Variants in C1QTNF7 observed in about 807,000 individuals in gnomAD.
The protein encoded by C1QTNF7 is complement C1q tumor necrosis factor-related protein 7.
In C1QTNF7, 15 loss-of-function variants were observed where a neutral mutation model predicts 19.6. The ratio of observed to expected loss-of-function variants is 0.76; its 90% CI spans 0.51 to 1.18. The LOEUF is 1.18. C1QTNF7 is among the 50% of genes most tolerant of loss of function. C1QTNF7 has a pLI of 0.00. For missense variants in C1QTNF7, 324 were observed against 359.7 expected (o/e 0.90, Z 0.80); for synonymous variants, 142 against 137.5 (o/e 1.03, Z -0.23).
intron 1 of C1QTNF7, among the ~76,000 whole-genome samples, chr4:15,396,455 G>T (rs1718784760): frequency 1.3e-5 from 2 of 152,156 alleles, no homozygotes; most frequent in Admixed American, 1.3e-4. Context: ...AGCGCTTCCA[G>T]TGTTAATCAT....
intron 1 of C1QTNF7, among the ~76,000 whole-genome samples, chr4:15,406,561 T>C (rs146330143): frequency 6.6e-6 from 1 of 152,240 alleles, no homozygotes; most frequent in East Asian, 1.9e-4. Context: ...GCTGCCAGCG[T>C]CAAACTTCCT....
intron 1 of C1QTNF7, among the ~76,000 whole-genome samples, chr4:15,359,618 C>T (rs532426582): frequency 2.6e-5 from 4 of 152,258 alleles, no homozygotes; most frequent in Admixed American, 1.3e-4. Flanking sequence ...TGGAGGTTTT[C>T]TCCCAAAAAC....
At chr4:15,383,998 G>A (rs915564358) in intron 1 of C1QTNF7, among the ~76,000 whole-genome samples, 2 of 152,236 alleles carry the variant, frequency 1.3e-5, no homozygotes, top group Non-Finnish European at 2.9e-5. Flanking sequence ...AGAGGAAAGA[G>A]ATGGATCAAA....
Position 15,411,602 on chromosome 4 carries a change from G to C in C1QTNF7, c.14-24134G>C, listed in dbSNP as rs544754784. Among the ~76,000 whole-genome samples, 4 of 152,318 alleles carry C rather than the reference G, an allele frequency of 2.6e-5. No homozygotes were observed. The South Asian group carries it at 8.3e-4, about 32-fold the overall frequency. ...AGGTGGAGCTGGGCTTCAAACCCAG[G>C]TATGCTGGCTTCAGAAATCACTGTC... On this transcript the variant is annotated intron_variant, in intron 1 of 2. Coordinates refer to the C1QTNF7 transcript ENST00000295297.
In C1QTNF7 at chr4:15,443,943, G is replaced by A. The variant is rs1712891193; in HGVS notation, c.*1144G>A. 6.6e-6 allele frequency: 1 copy of A among 152,206 alleles called. No individual in the cohort carries two copies. The highest frequency in any genetic ancestry group is 1.5e-5 in the Non-Finnish European group (1 of 68,040). The allele number at this position is 152,206 out of a possible 1,614,324, so 9.4% of individuals were successfully genotyped here. On this transcript the variant is annotated 3_prime_UTR_variant, in exon 3 of 3. Transcript: ENST00000444304. ...TGATGAGAGCAATGAACAGGAGAAGGAGGGAGAGAGCCAAATGTCTGAGTA... is the reference window on the plus strand; with the variant it reads ...TGATGAGAGCAATGAACAGGAGAAGAAGGGAGAGAGCCAAATGTCTGAGTA...
chr4:15,343,201 C>T (rs1452847597), intron 1 of C1QTNF7, among the ~76,000 whole-genome samples: 13 of 152,216 alleles, frequency 8.5e-5, no homozygotes, highest in Admixed American at 2.0e-4. Flanking sequence ...GTTTTCCAAA[C>T]TCATTTGACC....
intron 1 of C1QTNF7, among the ~76,000 whole-genome samples, chr4:15,412,457 G>A (rs1389062940): frequency 6.6e-6 from 1 of 151,878 alleles, no homozygotes; most frequent in Non-Finnish European, 1.5e-5. Flanking sequence ...AAAACCATCA[G>A]TGTAGCATCT....
chr4:15,418,384 T>C (rs966594706), intron 1 of C1QTNF7, among the ~76,000 whole-genome samples: 1 of 152,218 alleles, frequency 6.6e-6, no homozygotes, highest in East Asian at 1.9e-4. Flanking sequence ...ACTATTTTTC[T>C]GACCTCCTTT....
intron 1 of C1QTNF7, among the ~76,000 whole-genome samples, chr4:15,375,564 G>T (rs1717909366): frequency 6.6e-6 from 1 of 152,162 alleles, no homozygotes; most frequent in South Asian, 2.1e-4. Flanking sequence ...GTAGTTAAAA[G>T]AAATACAACA....
chr4:15,432,407 G>GT (rs938442630), intron 1 of C1QTNF7, among the ~76,000 whole-genome samples: 28 of 152,192 alleles, frequency 1.8e-4, no homozygotes, highest in African/African-American at 6.3e-4. Context: ...AATTCTTTTT[G>GT]TTTTTTGAGA....
At chr4:15,421,392 G>A (rs1269489590) in intron 1 of C1QTNF7, among the ~76,000 whole-genome samples, 1 of 152,056 alleles carries the variant, frequency 6.6e-6, no homozygotes, top group South Asian at 2.1e-4. Flanking sequence ...CAAACAAGAG[G>A]AGCATAGAGA....
intron 1 of C1QTNF7, among the ~76,000 whole-genome samples, chr4:15,376,644 G>A (rs4420978): frequency 0.48 from 72,938 of 152,136 alleles, 19,080 homozygotes; most frequent in African/African-American, 0.69. Flanking sequence ...CACAGGTAAT[G>A]ATGGCTGGCA....
chr4:15,391,791 G>A (rs1182492277), intron 1 of C1QTNF7, among the ~76,000 whole-genome samples: 1 of 152,150 alleles, frequency 6.6e-6, no homozygotes, highest in Non-Finnish European at 1.5e-5. Context: ...CAATGGGGTG[G>A]GACTTCAGTT....
chr4:15,361,810 G>T (rs544928471), intron 1 of C1QTNF7, among the ~76,000 whole-genome samples: 166 of 152,270 alleles, frequency 1.1e-3, no homozygotes, highest in African/African-American at 3.8e-3. Flanking sequence ...CTATGTATGA[G>T]TAGACGGTTA....
chr4:15,362,084 C>T (rs185348246), intron 1 of C1QTNF7, among the ~76,000 whole-genome samples: 1 of 152,274 alleles, frequency 6.6e-6, no homozygotes, highest in Non-Finnish European at 1.5e-5. Flanking sequence ...TCGCTATTCC[C>T]CAGTTTTCTC....
chr4:15,404,653 G>C (rs1432883275), intron 1 of C1QTNF7, among the ~76,000 whole-genome samples: 1 of 152,168 alleles, frequency 6.6e-6, no homozygotes, highest in Non-Finnish European at 1.5e-5. Flanking sequence ...TCTGATCTTG[G>C]CTAAGCATTT....
intron 1 of C1QTNF7, among the ~76,000 whole-genome samples, chr4:15,392,670 G>A (rs1718612395): frequency 6.6e-6 from 1 of 152,202 alleles, no homozygotes; most frequent in Non-Finnish European, 1.5e-5. Flanking sequence ...GTGTGATGTG[G>A]GTGGCATTTG....
intron 2 of C1QTNF7, among the ~76,000 whole-genome samples, chr4:15,438,508 T>A (rs1021714144): frequency 2.0e-5 from 3 of 152,218 alleles, no homozygotes; most frequent in Non-Finnish European, 4.4e-5. Flanking sequence ...CAAGCATAAT[T>A]TTGGTCCAAC....
Position 15,442,689 on chromosome 4 carries a change from C to T in C1QTNF7, c.760C>T (p.Gln254Ter). ...EVWLEIFFTD[Q>*]NGLFSDPGWA... is the part of the protein sequence containing the mutation. ...CTGGCTGGAGATTTTCTTCACAGAC[C>T]AGAATGGCCTCTTCTCAGACCCAGG... is the stretch of plus-strand genomic sequence containing the variant. The change falls in exon 3 of 3, where the codon CAG becomes TAG. Residue 254 changes from glutamine (Q) to a stop codon, truncating the protein, a stop_gained. Coordinates refer to ENST00000444304, the MANE Select transcript of C1QTNF7 (RefSeq NM_031911.5). LOFTEE classifies it high-confidence loss of function. 1 of 1,614,128 alleles carries T rather than the reference C, an allele frequency of 6.2e-7. No homozygotes were observed. Among genetic ancestry groups the T allele is most frequent in the Non-Finnish European group, 8.5e-7 (1 of 1,180,028 alleles).
Sources: allele counts gnomAD v4.1 joint callset (sites outside exome capture counted in the v4.1 genomes callset), GRCh38; gene constraint gnomAD v4.1.1; transcripts MANE v1.5; gene names NCBI Gene and HGNC (gene_info 2026-07-23, HGNC 2026-07-21).